SHROOM3: variants seen among roughly 807,000 people sequenced by gnomAD.
SHROOM3 encodes protein Shroom3.
In SHROOM3, 47 loss-of-function variants were observed where a neutral mutation model predicts 138.6. The observed-to-expected ratio is 0.34, with a 90% confidence interval of 0.27 to 0.43. The LOEUF is 0.43. Among genes scored for constraint, SHROOM3 ranks in the 20% least tolerant of loss-of-function variants. SHROOM3 has a pLI of 1.00. For missense variants in SHROOM3, 2,491 were observed against 2,596.5 expected (o/e 0.96, Z 0.88); for synonymous variants, 1,062 against 1,063.3 (o/e 1.00, Z 0.02).
intron 6 of SHROOM3, 138 bp downstream of exon 6, chr4:76,749,228 A>AC (rs1419841230): frequency 8.0e-6 from 6 of 750,718 alleles, no homozygotes; most frequent in Non-Finnish European, 1.3e-5. Context: ...GCCATGGATA[A>AC]CTTTTTTTTT....
chr4:76,547,535 C>T (rs372013151), intron 1 of SHROOM3, among the ~76,000 whole-genome samples: 118 of 152,200 alleles, frequency 7.8e-4, no homozygotes, highest in African/African-American at 2.2e-3. Flanking sequence ...CTGTTCTGGG[C>T]GTCGGGGATA....
intron 2 of SHROOM3, among the ~76,000 whole-genome samples, chr4:76,668,395 T>C (rs765290593): frequency 1.6e-4 from 25 of 152,014 alleles, no homozygotes; most frequent in Admixed American, 1.3e-4. Context: ...ACCCCGTCTC[T>C]ACTAAAAATA....
In SHROOM3 at chr4:76,740,976, G is replaced by A; in HGVS notation, c.2803G>A (p.Val935Ile). The A allele has an allele frequency of 1.3e-6, 2 of 1,496,134 alleles. No individual in the cohort carries two copies. The highest frequency in any genetic ancestry group is 1.8e-6 in the Non-Finnish European group (2 of 1,127,030). The allele number at this position is 1,496,134 out of a possible 1,614,324, so 92.7% of individuals were successfully genotyped here. Residue 935 changes from valine to isoleucine, a missense_variant, in exon 5 of 11, where the codon GTC becomes ATC. This residue lies in a region of SHROOM3 where 1,733 missense variants were observed against 1,661.6 expected (regional missense o/e 1.04). Transcript: ENST00000296043. The surrounding 1 kb of genome is among the most constrained non-coding windows in gnomAD (Gnocchi z 4.0). Reference protein sequence around the residue: ...RNSIKDAQSRVLGATSFRRRD... With the variant: ...RNSIKDAQSRILGATSFRRRD... ...CAGCATCAAGGACGCACAGTCCCGTGTCTTGGGGGCCACCTCCTTTCGACG... is the reference window on the plus strand; with the variant it reads ...CAGCATCAAGGACGCACAGTCCCGTATCTTGGGGGCCACCTCCTTTCGACG...
At position 76,780,751 on chromosome 4, in the gene SHROOM3, A is replaced by G. The variant is rs148350478; in HGVS notation, c.*1574A>G. ...TATGGCTTTGTTCTTTGGAGCTTATATACTGCATGACTCCATTGATACAAA... is the reference window on the plus strand; with the variant it reads ...TATGGCTTTGTTCTTTGGAGCTTATGTACTGCATGACTCCATTGATACAAA... On this transcript the variant is annotated 3_prime_UTR_variant, in exon 11 of 11. Coordinates refer to ENST00000296043, the MANE Select transcript of SHROOM3 (RefSeq NM_020859.4). 3.3e-5 allele frequency: 5 copies of G among 152,304 alleles called. No homozygotes were observed. The East Asian group carries it at 7.7e-4, about 24-fold the overall frequency. 9.4% of individuals were successfully genotyped at this position (152,304 alleles called of 1,614,324 possible). A position where few individuals can be genotyped will look rare whatever the true frequency, so the allele number is the denominator to read the frequency against.
intron 2 of SHROOM3, among the ~76,000 whole-genome samples, chr4:76,689,252 G>A (rs901073079): frequency 6.7e-6 from 1 of 149,634 alleles, no homozygotes; most frequent in African/African-American, 2.4e-5. Flanking sequence ...CCCAGAATCC[G>A]TTTTCAAACC....
At chr4:76,674,026 CCA>C (rs1718957448) in intron 2 of SHROOM3, among the ~76,000 whole-genome samples, 2 of 152,206 alleles carry the variant, frequency 1.3e-5, no homozygotes, top group South Asian at 4.1e-4. Flanking sequence ...GTATGTGCCA[CCA>C]CACCCAACTA....
chr4:76,471,988 G>A (rs1220062271), intron 1 of SHROOM3, among the ~76,000 whole-genome samples: 1 of 152,100 alleles, frequency 6.6e-6, no homozygotes, highest in Admixed American at 6.5e-5. Context: ...CCCTCAGTAA[G>A]TCTAGTGCTT....
intron 2 of SHROOM3, among the ~76,000 whole-genome samples, chr4:76,703,746 G>A (rs1325294607): frequency 6.6e-6 from 1 of 152,180 alleles, no homozygotes; most frequent in Non-Finnish European, 1.5e-5. Flanking sequence ...AACCAAGAAC[G>A]TGGCTTTAAA....
Position 76,730,858 on chromosome 4 carries a change from G to A in SHROOM3, c.510G>A (p.Glu170=), listed in dbSNP as rs373319824. The A allele has an allele frequency of 6.2e-7, 1 of 1,614,012 alleles. No homozygotes were observed. Among genetic ancestry groups the A allele is most frequent in the Non-Finnish European group, 8.5e-7 (1 of 1,180,038 alleles). ...CGTGGCACACAACTAAATCTGGGGA[G>A]AAGCAACCCGATGCCAGCATGATGC... ...PHSWHTTKSG[E]KQPDASMMQI... is the part of the protein sequence containing the mutation. Residue 170 remains glutamate, a synonymous_variant, in exon 4 of 11, where the codon GAG becomes GAA. Transcript: ENST00000296043.
At chr4:76,445,065 G>T (rs1052599875) in intron 1 of SHROOM3, among the ~76,000 whole-genome samples, 2 of 150,040 alleles carry the variant, frequency 1.3e-5, no homozygotes, top group Admixed American at 6.7e-5. Context: ...CTACTGCACT[G>T]TAGCCAGGTG....
intron 4 of SHROOM3, among the ~76,000 whole-genome samples, chr4:76,735,311 G>A (rs949445460): frequency 6.6e-6 from 1 of 152,132 alleles, no homozygotes. Flanking sequence ...AGACAGCAGT[G>A]GAAGAACTTG....
chr4:76,751,752 CAAT>C (rs1290221340), intron 6 of SHROOM3, among the ~76,000 whole-genome samples: 1 of 152,118 alleles, frequency 6.6e-6, no homozygotes. Flanking sequence ...CTCAAAACCA[CAAT>C]GAGATGTTTA....
intron 1 of SHROOM3, among the ~76,000 whole-genome samples, chr4:76,478,401 A>G (rs1424918581): frequency 6.6e-6 from 1 of 152,194 alleles, no homozygotes; most frequent in Non-Finnish European, 1.5e-5. Context: ...GCTTCACAAA[A>G]CCACTGTAGC....
intron 1 of SHROOM3, among the ~76,000 whole-genome samples, chr4:76,442,505 G>A (rs1226482238): frequency 6.6e-6 from 1 of 150,570 alleles, no homozygotes; most frequent in African/African-American, 2.4e-5. Context: ...CACCTCCCGG[G>A]TTCACGCCAT....
intron 1 of SHROOM3, among the ~76,000 whole-genome samples, chr4:76,519,486 T>C (rs1732518350): frequency 6.6e-6 from 1 of 152,190 alleles, no homozygotes; most frequent in Admixed American, 6.5e-5. Flanking sequence ...GTCTACTCAC[T>C]GAGTATATGT....
chr4:76,685,879 G>A (rs1719322320), intron 2 of SHROOM3, among the ~76,000 whole-genome samples: 1 of 152,192 alleles, frequency 6.6e-6, no homozygotes, highest in Non-Finnish European at 1.5e-5. Flanking sequence ...TCGGGAGGCA[G>A]GAGAATCGCT....
chr4:76,750,770 G>C (rs1721595199), intron 6 of SHROOM3, among the ~76,000 whole-genome samples: 1 of 151,686 alleles, frequency 6.6e-6, no homozygotes, highest in Non-Finnish European at 1.5e-5. Context: ...GCAATTTTGT[G>C]GGGAGGGGGA....
intron 1 of SHROOM3, among the ~76,000 whole-genome samples, chr4:76,529,708 C>T (rs773212907): frequency 6.1e-5 from 9 of 147,378 alleles, no homozygotes; most frequent in Non-Finnish European, 1.2e-4. Context: ...ATTACCCCTA[C>T]GTACAGGACT....
intron 1 of SHROOM3, among the ~76,000 whole-genome samples, chr4:76,473,037 A>G (rs778661669): frequency 2.0e-5 from 3 of 152,204 alleles, no homozygotes; most frequent in Non-Finnish European, 2.9e-5. Context: ...AGCAACCAGC[A>G]TATGTTAATT....
Sources: gnomAD v4.1 joint callset for allele counts (sites outside exome capture counted in the v4.1 genomes callset) on GRCh38, gnomAD v4.1.1 for gene constraint, gnomAD v4.1.1 regional missense constraint, Gnocchi (gnomAD v3.1) non-coding constraint, MANE v1.5 for transcripts, NCBI Gene and HGNC (gene_info 2026-07-23, HGNC 2026-07-21) for gene names.